The following XG variants were observed in gnomAD, a reference collection of about 807,000 sequenced individuals.
The protein encoded by XG is Xg glycoprotein (Xg blood group), also known as glycoprotein Xg.
In XG, 24 loss-of-function variants were observed where a neutral mutation model predicts 25.7. That is an observed-to-expected ratio of 0.93 (90% CI 0.68 to 1.31). The LOEUF (loss-of-function observed/expected upper bound fraction) is 1.31, where lower values mean the gene tolerates loss of function less well. Among genes scored for constraint, XG ranks in the 40% most tolerant of loss-of-function variants. The probability of loss-of-function intolerance (pLI) is 0.00; values close to 1 mark genes in which losing one functional copy is unlikely to be tolerated. For missense variants in XG, 181 were observed against 187.6 expected, an observed-to-expected ratio of 0.96 and a Z score of 0.21; for synonymous variants, 77 against 69.2, an observed-to-expected ratio of 1.11 and a Z score of -0.56.
intron 8 of XG, among the ~76,000 whole-genome samples, 187 bp downstream of exon 8, chrX:2,806,932 G>T (rs1411434694): frequency 8.9e-6 from 1 of 112,270 alleles, no homozygotes; most frequent in East Asian, 2.8e-4. Context: ...ATGCCCTGAG[G>T]ACTTCATTTC....
intron 1 of XG, among the ~76,000 whole-genome samples, chrX:2,753,887 T>A (rs1184857559): frequency 6.6e-6 from 1 of 152,030 alleles, no homozygotes; most frequent in East Asian, 1.9e-4. Context: ...CATACAGCCA[T>A]TCTGTTTTTC....
chrX:2,791,554 A>G (rs757354075), intron 5 of XG, among the ~76,000 whole-genome samples: 65 of 109,566 alleles, frequency 5.9e-4, no homozygotes, highest in Non-Finnish European at 1.0e-3. Context: ...ATCCTAGACT[A>G]TGTTCCCCCA....
chrX:2,769,130 G>A (rs1001166143), intron 1 of XG, among the ~76,000 whole-genome samples: 2 of 152,222 alleles, frequency 1.3e-5, no homozygotes, highest in Non-Finnish European at 1.5e-5. Context: ...CACAAGGAGC[G>A]GCAAAGCCTG....
intron 1 of XG, among the ~76,000 whole-genome samples, chrX:2,760,227 G>C (rs1369821500): frequency 3.3e-5 from 5 of 151,940 alleles, no homozygotes; most frequent in African/African-American, 1.2e-4. Context: ...TAGGCCAGGC[G>C]CGTGATGTTG....
At chrX:2,801,977 G>A (rs888187202) in intron 7 of XG, among the ~76,000 whole-genome samples, 23 of 111,519 alleles carry the variant, frequency 2.1e-4, no homozygotes, top group Admixed American at 1.6e-3. Context: ...AAAGTGCTGG[G>A]ATTACAGGCG....
At chrX:2,760,690 G>A (rs758899994) in intron 1 of XG, among the ~76,000 whole-genome samples, 84 of 139,200 alleles carry the variant, frequency 6.0e-4, no homozygotes, top group Non-Finnish European at 1.2e-3. Flanking sequence ...AGCCGAGATC[G>A]CACTACTGCA....
At chrX:2,775,379 A>G (rs1009803208) in intron 3 of XG, among the ~76,000 whole-genome samples, 3 of 152,206 alleles carry the variant, frequency 2.0e-5, no homozygotes, top group Non-Finnish European at 4.4e-5. Flanking sequence ...CCAGACACAA[A>G]TGATCACATA....
chrX:2,794,429 G>A, intron 5 of XG, 106 bp from the exon 6 acceptor site: 1 of 896,233 alleles, frequency 1.1e-6, no homozygotes, highest in Non-Finnish European at 1.5e-6. Flanking sequence ...AGTTGGCGTC[G>A]GAACGCTCTT....
intron 7 of XG, among the ~76,000 whole-genome samples, chrX:2,800,599 G>T (rs2147083161): frequency 8.9e-6 from 1 of 112,135 alleles, no homozygotes; most frequent in African/African-American, 3.2e-5. Context: ...TGGCCCTATA[G>T]GTAGCCCATC....
chrX:2,796,017 C>A (rs963115156), intron 6 of XG, among the ~76,000 whole-genome samples: 30 of 106,263 alleles, frequency 2.8e-4, no homozygotes, highest in African/African-American at 8.1e-4. Context: ...TATACATGTA[C>A]ATTTTATATA....
At position 2,782,273 on chromosome X, in the gene XG, G is replaced by A. The variant is rs1490507013; in HGVS notation, c.190+145G>A. 8.9e-6 allele frequency: 6 copies of A among 676,082 alleles called. No homozygotes were observed. In the East Asian group the frequency reaches 1.7e-4, roughly 20 times the overall value. 55.7% of individuals were successfully genotyped at this position (676,082 alleles called of 1,213,427 possible). On this transcript the variant is annotated intron_variant, in intron 4 of 10. Coordinates refer to ENST00000644266, the MANE Select transcript of XG (RefSeq NM_001141919.2). ...GGAATGTAGTTTCTTTCCTCACTGG[G>A]GGGAGCAAGAAAGTCCAACGGACAG...
intron 3 of XG, among the ~76,000 whole-genome samples, chrX:2,780,842 G>A (rs1468315237): frequency 1.3e-5 from 2 of 152,138 alleles, no homozygotes; most frequent in African/African-American, 4.8e-5. Flanking sequence ...CAAAACAGTT[G>A]CCTTCTTTTG....
At chrX:2,780,729 A>C (rs2051101998) in intron 3 of XG, among the ~76,000 whole-genome samples, 1 of 60,018 alleles carries the variant, frequency 1.7e-5, no homozygotes, top group African/African-American at 6.0e-5. Flanking sequence ...AAAAAAAAAA[A>C]GAAGAAGTAT....
intron 4 of XG, among the ~76,000 whole-genome samples, chrX:2,785,316 G>A (rs1392272448): frequency 1.8e-5 from 2 of 111,893 alleles, no homozygotes; most frequent in African/African-American, 3.2e-5. Context: ...CAGAGGGGAT[G>A]ACTTTCTGTC....
chrX:2,776,171 G>C (rs376269858), intron 3 of XG, among the ~76,000 whole-genome samples: 70 of 152,128 alleles, frequency 4.6e-4, no homozygotes, highest in African/African-American at 1.6e-3. Flanking sequence ...TTATAAGCCA[G>C]CGACCGAGAG....
intron 7 of XG, among the ~76,000 whole-genome samples, chrX:2,803,810 G>A (rs770801336): frequency 1.3e-3 from 143 of 111,416 alleles, no homozygotes; most frequent in African/African-American, 4.0e-3. Context: ...GAGGCTGCAC[G>A]ACCCCTAAAC....
Position 2,752,902 on chromosome X carries a change from G to A in XG, c.61+567G>A, listed in dbSNP as rs974099326. 3 of 985,096 alleles carry A rather than the reference G, an allele frequency of 3.0e-6. No homozygotes were observed. In the African/African-American group the frequency reaches 5.2e-5, roughly 17 times the overall value. 61.0% of individuals were successfully genotyped at this position (985,096 alleles called of 1,614,324 possible). A position where few individuals can be genotyped will look rare whatever the true frequency, so the allele number is the denominator to read the frequency against. Reference sequence around the variant, plus strand: ...AACTTCGATATAAACTTGCAGGCTGGCTGTCCCAGATCCAAGATTAGATTT... The same window carrying A: ...AACTTCGATATAAACTTGCAGGCTGACTGTCCCAGATCCAAGATTAGATTT... On this transcript the variant is annotated intron_variant, in intron 1 of 10. Coordinates refer to ENST00000644266, the MANE Select transcript of XG (RefSeq NM_001141919.2).
At chrX:2,766,884 A>T (rs1264834561) in intron 1 of XG, among the ~76,000 whole-genome samples, 9 of 151,884 alleles carry the variant, frequency 5.9e-5, no homozygotes, top group Non-Finnish European at 1.3e-4. Flanking sequence ...CTTTATACAG[A>T]TAGGATAGAG....
chrX:2,805,615 G>C (rs1378137946), intron 7 of XG, among the ~76,000 whole-genome samples: 1 of 91,139 alleles, frequency 1.1e-5, no homozygotes, highest in African/African-American at 4.2e-5. Context: ...AGAGGCTGGA[G>C]GTCCAAGATC....
Sources: allele counts gnomAD v4.1 joint callset (sites outside exome capture counted in the v4.1 genomes callset), GRCh38; gene constraint gnomAD v4.1.1; transcripts MANE v1.5; gene names NCBI Gene and HGNC (gene_info 2026-07-23, HGNC 2026-07-21).